The following DCC variants were observed in gnomAD, a reference collection of about 807,000 sequenced individuals.
The protein encoded by DCC is DCC netrin 1 receptor.
A neutral mutation model predicts 172.5 loss-of-function variants in DCC; 58 were observed. The ratio of observed to expected loss-of-function variants is 0.34; its 90% CI spans 0.27 to 0.42. The LOEUF is 0.42. Ranked by LOEUF, DCC falls within the 10% of genes least tolerant of loss-of-function variation. The probability of loss-of-function intolerance (pLI) is 1.00; values close to 1 mark genes in which losing one functional copy is unlikely to be tolerated. For missense variants in DCC, 1,740 were observed against 1,791.0 expected, an observed-to-expected ratio of 0.97 and a Z score of 0.51; for synonymous variants, 709 against 644.5, an observed-to-expected ratio of 1.10 and a Z score of -1.52.
At chr18:52,877,606 T>C (rs951631775) in intron 2 of DCC, among the ~76,000 whole-genome samples, 5 of 151,672 alleles carry the variant, frequency 3.3e-5, no homozygotes, top group African/African-American at 9.7e-5. Flanking sequence ...ACTTTGGAGG[T>C]TGAGGTGGGA....
intron 1 of DCC, among the ~76,000 whole-genome samples, chr18:52,728,795 G>A (rs1031948922): frequency 6.6e-6 from 1 of 152,198 alleles, no homozygotes; most frequent in Non-Finnish European, 1.5e-5. Flanking sequence ...ATAGTTGACA[G>A]TGCTTAGAGT....
chr18:52,914,168 T>C (rs1409917378), intron 3 of DCC, among the ~76,000 whole-genome samples: 1 of 151,848 alleles, frequency 6.6e-6, no homozygotes, highest in Non-Finnish European at 1.5e-5. Context: ...ATGGCAACAT[T>C]TGTTTTCTGG....
intron 21 of DCC, among the ~76,000 whole-genome samples, chr18:53,431,633 C>A (rs1230928363): frequency 6.6e-6 from 1 of 151,888 alleles, no homozygotes. Flanking sequence ...TACAGGCATG[C>A]GCCACCGTGC....
chr18:53,280,101 A>G (rs185867250), intron 12 of DCC, among the ~76,000 whole-genome samples: 5 of 152,158 alleles, frequency 3.3e-5, no homozygotes, highest in South Asian at 2.1e-4. Flanking sequence ...AAGTTTTTTA[A>G]AAAAAATCCT....
intron 15 of DCC, among the ~76,000 whole-genome samples, chr18:53,355,601 G>A (rs138770813): frequency 3.9e-5 from 6 of 152,052 alleles, no homozygotes; most frequent in Admixed American, 3.3e-4. Flanking sequence ...GAATGCTCGC[G>A]ATTTTTGCAC....
At chr18:53,025,447 C>T (rs754188773) in intron 5 of DCC, among the ~76,000 whole-genome samples, 54 of 152,000 alleles carry the variant, frequency 3.6e-4, no homozygotes, top group Non-Finnish European at 6.2e-4. Context: ...CTTGGCCCTT[C>T]CCTGTTCAAC....
intron 9 of DCC, 91 bp from the exon 10 acceptor site, chr18:53,205,125 A>C: frequency 1.0e-6 from 1 of 956,556 alleles, no homozygotes; most frequent in Non-Finnish European, 1.7e-6. Flanking sequence ...AATTTTATTG[A>C]ACTGTAAAAA....
chr18:53,470,882 G>A (rs888625378), intron 25 of DCC, among the ~76,000 whole-genome samples: 4 of 152,128 alleles, frequency 2.6e-5, no homozygotes, highest in Non-Finnish European at 5.9e-5. Flanking sequence ...ATTACAATTC[G>A]AGATGAGATT....
chr18:53,414,624 G>A (rs973491061), intron 20 of DCC, among the ~76,000 whole-genome samples: 2 of 152,096 alleles, frequency 1.3e-5, no homozygotes, highest in African/African-American at 4.8e-5. Context: ...CGAGGCGGGT[G>A]GATCACGAGG....
In DCC at chr18:52,703,649, G is replaced by A. The variant is rs117692264; in HGVS notation, c.92-48405G>A. ...CATGGGTTGGATTTCATGGGTTTGA[G>A]CACCTTAATTTCACACTGCTTCCTC... is the stretch of plus-strand genomic sequence containing the variant. On this transcript the variant is annotated intron_variant, in intron 1 of 28. Coordinates refer to ENST00000442544, the MANE Select transcript of DCC (RefSeq NM_005215.4). 9.5e-3 allele frequency among the ~76,000 whole-genome samples: 1,440 copies of A among 152,110 alleles called. 15 individuals are homozygous for A. The highest frequency in any genetic ancestry group is 0.034 in the Middle Eastern group (10 of 294).
chr18:52,705,813 T>C (rs140152504), intron 1 of DCC, among the ~76,000 whole-genome samples: 1 of 152,370 alleles, frequency 6.6e-6, no homozygotes, highest in East Asian at 1.9e-4. Context: ...GTTTGTTGAA[T>C]GATAAGTGAA....
chr18:52,537,127 G>A (rs1291938117), intron 1 of DCC, among the ~76,000 whole-genome samples: 1 of 152,168 alleles, frequency 6.6e-6, no homozygotes, highest in African/African-American at 2.4e-5. Flanking sequence ...GATGATGAAA[G>A]TTCTCTCTAG....
intron 1 of DCC, among the ~76,000 whole-genome samples, chr18:52,485,061 G>A (rs904433231): frequency 1.3e-5 from 2 of 152,072 alleles, no homozygotes; most frequent in African/African-American, 4.8e-5. Context: ...AAGACTTGGA[G>A]CATGAAGGAC....
chr18:53,452,089 G>A (rs140586418), intron 23 of DCC, among the ~76,000 whole-genome samples: 1 of 152,202 alleles, frequency 6.6e-6, no homozygotes, highest in Non-Finnish European at 1.5e-5. Flanking sequence ...CTTCCACAGT[G>A]CAGGGCTGTT....
chr18:53,066,721 T>C (rs1440887861), intron 7 of DCC, among the ~76,000 whole-genome samples: 2 of 151,910 alleles, frequency 1.3e-5, no homozygotes, highest in African/African-American at 4.8e-5. Flanking sequence ...AGTTAATTAG[T>C]GTATTAGTCT....
chr18:53,133,033 T>A (rs1405497158), intron 7 of DCC, among the ~76,000 whole-genome samples: 2 of 152,196 alleles, frequency 1.3e-5, no homozygotes, highest in Non-Finnish European at 2.9e-5. Context: ...TTAGAGTTTG[T>A]TTAGCCACAG....
At chr18:53,106,124 A>T (rs1428765147) in intron 7 of DCC, among the ~76,000 whole-genome samples, 1 of 151,852 alleles carries the variant, frequency 6.6e-6, no homozygotes, top group Non-Finnish European at 1.5e-5. Flanking sequence ...TCCCTGACAC[A>T]TCAGATTGTT....
chr18:52,695,721 G>T (rs1198518715), intron 1 of DCC, among the ~76,000 whole-genome samples: 1 of 152,184 alleles, frequency 6.6e-6, no homozygotes, highest in East Asian at 1.9e-4. Context: ...GGGTAGATTT[G>T]TGTTAAATGG....
At chr18:52,993,033 G>T (rs573273397) in intron 5 of DCC, among the ~76,000 whole-genome samples, 56 of 151,226 alleles carry the variant, frequency 3.7e-4, no homozygotes, top group Non-Finnish European at 6.5e-4. Context: ...ACAATCTTCA[G>T]CATGGTGCAA....
Sources: allele counts gnomAD v4.1 joint callset (sites outside exome capture counted in the v4.1 genomes callset), GRCh38; gene constraint gnomAD v4.1.1; transcripts MANE v1.5; gene names NCBI Gene and HGNC (gene_info 2026-07-23, HGNC 2026-07-21).